HMOX1: variants seen among roughly 807,000 people sequenced by gnomAD.
HMOX1 encodes heme oxygenase 1.
In HMOX1, 22 loss-of-function variants were observed where a neutral mutation model predicts 27.8. The observed-to-expected ratio is 0.79, with a 90% confidence interval of 0.57 to 1.13. The LOEUF (loss-of-function observed/expected upper bound fraction) is 1.13, where lower values mean the gene tolerates loss of function less well. Among genes scored for constraint, HMOX1 ranks in the 50% most tolerant of loss-of-function variants. HMOX1 has a pLI of 0.00. For synonymous variants in HMOX1, 153 were observed against 151.6 expected (o/e 1.01, Z -0.07); for missense variants, 379 against 377.7 (o/e 1.00, Z -0.03).
chr22:35,393,065 C>G (rs996662435), intron 4 of HMOX1, among the ~76,000 whole-genome samples: 49 of 152,134 alleles, frequency 3.2e-4, no homozygotes, highest in African/African-American at 1.1e-3. Flanking sequence ...ATTTTGACCT[C>G]AGAGCTCCTG....
At chr22:35,383,528 CG>C (rs559199463) in intron 2 of HMOX1, among the ~76,000 whole-genome samples, 148 of 152,082 alleles carry the variant, frequency 9.7e-4, no homozygotes, top group African/African-American at 3.4e-3. Context: ...TCAACCCTGA[CG>C]AGAAAGATGA....
At chr22:35,388,106 A>G (rs906106285) in intron 3 of HMOX1, among the ~76,000 whole-genome samples, 1 of 150,524 alleles carries the variant, frequency 6.6e-6, no homozygotes, top group African/African-American at 2.5e-5. Context: ...TCTATCAAAA[A>G]TAAAAAATAA....
rs1475265039 is a variant in HMOX1, at chr22:35,389,330, CT to C, written c.637-531del. 1.7e-3 allele frequency among the ~76,000 whole-genome samples: 198 copies of C among 116,446 alleles called. 5 individuals are homozygous for C. Among genetic ancestry groups the C allele is most frequent in the Admixed American group, 1.2e-3 (15 of 12,014 alleles). 76.4% of individuals were successfully genotyped at this position (116,446 alleles called of 152,430 possible). A position where few individuals can be genotyped will look rare whatever the true frequency, so the allele number is the denominator to read the frequency against. Reference sequence around the variant, plus strand: ...TTCTTTCTTTCTTTCTTCTTTCTTTCTTTCTTTCTTCTCCTTCCTTCCTTCC... The same window carrying C: ...TTCTTTCTTTCTTTCTTCTTTCTTTCTTCTTTCTTCTCCTTCCTTCCTTCC... On this transcript the variant is annotated intron_variant, in intron 3 of 4. Coordinates refer to ENST00000216117, the MANE Select transcript of HMOX1 (RefSeq NM_002133.3).
At chr22:35,389,399 T>TCTTCCTTTCTTC (rs1555901612) in intron 3 of HMOX1, among the ~76,000 whole-genome samples, 1 of 42,782 alleles carries the variant, frequency 2.3e-5, no homozygotes, top group African/African-American at 2.0e-4. Context: ...TTCCTTCCTT[T>TCTTCCTTTCTTC]CTTTCTTTCT....
In HMOX1 at chr22:35,382,164, T is replaced by C. The variant is rs9622191; in HGVS notation, c.24-942T>C. On this transcript the variant is annotated intron_variant, in intron 1 of 4. Coordinates refer to ENST00000216117, the MANE Select transcript of HMOX1 (RefSeq NM_002133.3). Reference sequence around the variant, plus strand: ...GATGCCGGTTCATGGGGCTGCTGCTTCTTCCTGGGTTATGCTGTACCTCCT... The same window carrying C: ...GATGCCGGTTCATGGGGCTGCTGCTCCTTCCTGGGTTATGCTGTACCTCCT... Among the ~76,000 whole-genome samples the C allele has an allele frequency of 3.5e-3, 534 of 152,222 alleles. 2 individuals are homozygous for C. The highest frequency in any genetic ancestry group is 0.011 in the African/African-American group (473 of 41,534).
At position 35,389,454 on chromosome 22, in the gene HMOX1, TTTC is replaced by T. The variant is rs1193584717; in HGVS notation, c.637-407_637-405del. 3.6e-5 allele frequency among the ~76,000 whole-genome samples: 5 copies of T among 138,902 alleles called. 2 individuals carry two copies. Among genetic ancestry groups the T allele is most frequent in the African/African-American group, 1.5e-4 (5 of 32,838 alleles). 91.1% of individuals were successfully genotyped at this position (138,902 alleles called of 152,430 possible). On this transcript the variant is annotated intron_variant, in intron 3 of 4. Transcript: ENST00000216117. ...TATCTTTCTTTCTTTCTTTCTTTTC[TTTC>T]TTTCTTGCAGAGTCTCGCCCTGTCA...
chr22:35,385,920 C>T (rs900720376), intron 2 of HMOX1, among the ~76,000 whole-genome samples: 2 of 151,452 alleles, frequency 1.3e-5, no homozygotes, highest in East Asian at 1.9e-4. Flanking sequence ...CGTGAGCCAC[C>T]GCGTCCAGCT....
intron 4 of HMOX1, chr22:35,390,395 T>C (rs1931685897): frequency 3.5e-6 from 1 of 287,218 alleles, no homozygotes; most frequent in Non-Finnish European, 6.8e-6. Flanking sequence ...GGCTAATTTT[T>C]TTTTTGTATG....
chr22:35,391,012 G>C (rs576254802), intron 4 of HMOX1, among the ~76,000 whole-genome samples: 52 of 152,238 alleles, frequency 3.4e-4, no homozygotes, highest in African/African-American at 1.3e-3. Context: ...AAGAGGTAAG[G>C]CTTAGCTACC....
chr22:35,392,793 C>A (rs1184929198), intron 4 of HMOX1, among the ~76,000 whole-genome samples: 1 of 151,342 alleles, frequency 6.6e-6, no homozygotes, highest in African/African-American at 2.4e-5. Context: ...TCTTGGCTCA[C>A]TGCAACCTCT....
chr22:35,389,982 G>A lies in HMOX1; in HGVS notation c.736+19G>A. The A allele has an allele frequency of 6.5e-7, 1 of 1,541,088 alleles. No individual in the cohort carries two copies. Among genetic ancestry groups the A allele is most frequent in the Non-Finnish European group, 8.9e-7 (1 of 1,119,236 alleles). On this transcript the variant is annotated intron_variant, in intron 4 of 4. Transcript: ENST00000216117. ...GTGCAAGGTGAGAGCATCCAGGAAG[G>A]GGCACTTCCTCTGGGCTACACATGG... is the stretch of plus-strand genomic sequence containing the variant.
At chr22:35,387,333 C>G (rs991692042) in intron 3 of HMOX1, among the ~76,000 whole-genome samples, 157 bp downstream of exon 3, 2 of 152,212 alleles carry the variant, frequency 1.3e-5, no homozygotes, top group African/African-American at 2.4e-5. Context: ...TGGGCAAATG[C>G]CTTCATCTCT....
chr22:35,383,315 C>T (rs1931428927), intron 2 of HMOX1, 89 bp downstream of exon 2: 11 of 1,442,368 alleles, frequency 7.6e-6, no homozygotes, highest in Non-Finnish European at 1.1e-5. Flanking sequence ...AGTGGGGATG[C>T]TGAGGGACCA....
At chr22:35,381,402 C>G (rs921553404) in intron 1 of HMOX1, 5 of 626,842 alleles carry the variant, frequency 8.0e-6, no homozygotes, top group Non-Finnish European at 1.4e-5. Flanking sequence ...TGCCTGGCAC[C>G]CTGGTATGCG....
intron 1 of HMOX1, among the ~76,000 whole-genome samples, chr22:35,381,772 A>ATT (rs201144489): frequency 1.1e-4 from 17 of 148,102 alleles, no homozygotes; most frequent in African/African-American, 2.2e-4. Flanking sequence ...ATTTGTTAGT[A>ATT]TTTTTTTTTT....
At chr22:35,383,907 T>G (rs1455951360) in intron 2 of HMOX1, among the ~76,000 whole-genome samples, 1 of 150,918 alleles carries the variant, frequency 6.6e-6, no homozygotes, top group Non-Finnish European at 1.5e-5. Flanking sequence ...AAGCACTTGA[T>G]GAAGAACCGG....
chr22:35,390,042 C>A (rs796318391), intron 4 of HMOX1, 79 bp downstream of exon 4: 12 of 975,484 alleles, frequency 1.2e-5, no homozygotes, highest in South Asian at 8.2e-5. Context: ...TATCTCTATT[C>A]CTCTGTTTTC....
At chr22:35,387,216 C>G (rs552673447) in intron 3 of HMOX1, 40 bp downstream of exon 3, 6 of 1,611,798 alleles carry the variant, frequency 3.7e-6, no homozygotes, top group Non-Finnish European at 5.1e-6. Context: ...TGCCTCCCCC[C>G]GTTGTTCCTC....
At chr22:35,384,150 C>T (rs751637692) in intron 2 of HMOX1, among the ~76,000 whole-genome samples, 9 of 152,040 alleles carry the variant, frequency 5.9e-5, no homozygotes, top group Non-Finnish European at 1.2e-4. Context: ...GGCAAGATCT[C>T]GGTGCCCTGA....
Sources: allele counts gnomAD v4.1 joint callset (sites outside exome capture counted in the v4.1 genomes callset), GRCh38; gene constraint gnomAD v4.1.1; transcripts MANE v1.5; gene names NCBI Gene and HGNC (gene_info 2026-07-23, HGNC 2026-07-21).